PTGER4: variants seen among roughly 807,000 people sequenced by gnomAD.
The protein encoded by PTGER4 is prostaglandin E2 receptor EP4 subtype.
PTGER4 carries 11 observed loss-of-function variants against 33.2 expected under a neutral mutation model. The ratio of observed to expected loss-of-function variants is 0.33; its 90% CI spans 0.21 to 0.55. The LOEUF (loss-of-function observed/expected upper bound fraction) is 0.55. PTGER4 is among the 20% of genes least tolerant of loss of function. PTGER4 has a pLI of 0.92. For synonymous variants in PTGER4, 275 were observed against 281.5 expected, an observed-to-expected ratio of 0.98 and a Z score of 0.23; for missense variants, 481 against 650.2, an observed-to-expected ratio of 0.74 and a Z score of 2.83.
At chr5:40,737,858 C>CT in the PTGER4 span, among the ~76,000 whole-genome samples, 1 of 152,214 alleles carries the variant, frequency 6.6e-6, no homozygotes. Context: ...TTCCTGACTT[C>CT]TTTCCCTTAG....
At chr5:40,696,670 C>T, downstream of PTGER4, 5 of 985,026 alleles carry the variant, frequency 5.1e-6, no homozygotes, top group Non-Finnish European at 6.0e-6. Context: ...CCCCATTTCC[C>T]ACCATGGAAG....
chr5:40,710,486 T>C, the PTGER4 span, among the ~76,000 whole-genome samples: 2 of 152,090 alleles, frequency 1.3e-5, no homozygotes, highest in African/African-American at 2.4e-5. Context: ...GTGGGACTGT[T>C]AACTAGTTCA....
At chr5:40,702,255 A>G in the PTGER4 span, among the ~76,000 whole-genome samples, 1 of 152,218 alleles carries the variant, frequency 6.6e-6, no homozygotes, top group Non-Finnish European at 1.5e-5. Context: ...AGCAAGACCC[A>G]ATGGTATGCT....
At chr5:40,734,937 T>C in the PTGER4 span, among the ~76,000 whole-genome samples, 8 of 152,214 alleles carry the variant, frequency 5.3e-5, no homozygotes, top group African/African-American at 1.9e-4. Flanking sequence ...CTATTCGGAA[T>C]GGGCGGTCAA....
chr5:40,697,552 T>C (rs1741640958), downstream of PTGER4, among the ~76,000 whole-genome samples: 2 of 138,052 alleles, frequency 1.4e-5, no homozygotes, highest in South Asian at 2.2e-4. Context: ...GCCATTGCAC[T>C]CTAGCCTGGG....
At chr5:40,703,224 A>C in the PTGER4 span, among the ~76,000 whole-genome samples, 13 of 16,626 alleles carry the variant, frequency 7.8e-4, no homozygotes, top group African/African-American at 2.6e-3. Flanking sequence ...GTTTTTTGCA[A>C]AAAAAAAAAA....
the PTGER4 span, among the ~76,000 whole-genome samples, chr5:40,742,567 T>A: frequency 1.3e-5 from 2 of 152,186 alleles, no homozygotes; most frequent in African/African-American, 4.8e-5. Flanking sequence ...AATCACTGTA[T>A]TGTAAAATCT....
At position 40,692,483 on chromosome 5, in the gene PTGER4, C is replaced by T; in HGVS notation, c.*105C>T. ...CTGTGCTCAGAAGGGCTATCATCAT[C>T]CTACAACTCACATTAGAGAACATCC... On this transcript the variant is annotated 3_prime_UTR_variant, in exon 3 of 3. Coordinates refer to ENST00000302472, the MANE Select transcript of PTGER4 (RefSeq NM_000958.3). 1 of 1,492,786 alleles carries T rather than the reference C, an allele frequency of 6.7e-7. No homozygotes were observed. Among genetic ancestry groups the T allele is most frequent in the Non-Finnish European group, 8.9e-7 (1 of 1,129,196 alleles). The allele number at this position is 1,492,786 out of a possible 1,614,324, so 92.5% of individuals were successfully genotyped here.
the PTGER4 span, among the ~76,000 whole-genome samples, chr5:40,707,553 G>A: frequency 6.6e-6 from 1 of 152,100 alleles, no homozygotes; most frequent in East Asian, 1.9e-4. Context: ...GACCTACAAA[G>A]AGACTTAGAC....
chr5:40,692,530 A>G lies in PTGER4; in HGVS notation c.*152A>G. ...ATCCTGGCTTTTGAGCACTTTTCAA[A>G]CAATCAAGTTGACTCACGTGGGTCC... On this transcript the variant is annotated 3_prime_UTR_variant, in exon 3 of 3. Coordinates refer to ENST00000302472, the MANE Select transcript of PTGER4 (RefSeq NM_000958.3). 1.3e-5 allele frequency: 19 copies of G among 1,443,930 alleles called. No homozygotes were observed. The highest frequency in any genetic ancestry group is 1.7e-5 in the Non-Finnish European group (19 of 1,104,866). The allele number at this position is 1,443,930 out of a possible 1,614,324, so 89.4% of individuals were successfully genotyped here.
the PTGER4 span, among the ~76,000 whole-genome samples, chr5:40,722,254 T>TGCAACCTCCACCTCCCA: frequency 6.6e-6 from 1 of 151,214 alleles, no homozygotes. Context: ...CTCGGCTCGC[T>TGCAACCTCCACCTCCCA]GCAACCTCCA....
At chr5:40,737,531 A>G in the PTGER4 span, among the ~76,000 whole-genome samples, 4 of 152,238 alleles carry the variant, frequency 2.6e-5, no homozygotes, top group African/African-American at 9.6e-5. Flanking sequence ...ACGAATATAG[A>G]ATTATTTTAC....
At position 40,692,026 on chromosome 5, in the gene PTGER4, C is replaced by T; in HGVS notation, c.1115C>T (p.Ala372Val). Residue 372 changes from alanine to valine, a missense_variant, in exon 3 of 3, where the codon GCC becomes GTC. Physicochemically the swap from Ala to Val is moderately conservative, Grantham distance 64. This residue lies in a region of PTGER4 where 172 missense variants were observed against 199.2 expected (regional missense o/e 0.86). Coordinates refer to ENST00000302472, the MANE Select transcript of PTGER4 (RefSeq NM_000958.3). ...TCAGACAGTCAAAGGACATCTTCTG[C>T]CATGTCAGGCCACTCTCGCTCCTTC... ...HCSDSQRTSS[A>V]MSGHSRSFIS... 1.2e-6 allele frequency: 2 copies of T among 1,614,202 alleles called. No homozygotes were observed. The highest frequency in any genetic ancestry group is 1.7e-6 in the Non-Finnish European group (2 of 1,180,038).
the PTGER4 span, among the ~76,000 whole-genome samples, chr5:40,713,223 T>C: frequency 6.6e-6 from 1 of 152,108 alleles, no homozygotes; most frequent in South Asian, 2.1e-4. Flanking sequence ...TAGCTCAGAA[T>C]TGCTGGTCCA....
rs576902061 is a variant in PTGER4, at chr5:40,691,166, G to A, written c.868-613G>A. ...CTCCTGAGTAGCTGGGATTATAGGCGTGTGCCGCCACACCTGGCTAATTTT... is the reference window on the plus strand; with the variant it reads ...CTCCTGAGTAGCTGGGATTATAGGCATGTGCCGCCACACCTGGCTAATTTT... On this transcript the variant is annotated intron_variant, in intron 2 of 2. Transcript: ENST00000302472. The surrounding 1 kb of genome is among the most constrained non-coding windows in gnomAD (Gnocchi z 4.2). Among the ~76,000 whole-genome samples the A allele has an allele frequency of 8.5e-4, 130 of 152,200 alleles. 1 individual carries two copies. Among genetic ancestry groups the A allele is most frequent in the Non-Finnish European group, 5.0e-4 (34 of 67,984 alleles).
the PTGER4 span, among the ~76,000 whole-genome samples, chr5:40,738,383 C>A: frequency 6.6e-6 from 1 of 150,666 alleles, no homozygotes; most frequent in Non-Finnish European, 1.5e-5. Context: ...CCACTGCAGT[C>A]CAGCCTGGGC....
intron 2 of PTGER4, among the ~76,000 whole-genome samples, chr5:40,686,712 C>A (rs1741331312): frequency 6.6e-6 from 1 of 151,980 alleles, no homozygotes; most frequent in Non-Finnish European, 1.5e-5. Flanking sequence ...CTCTAATCAT[C>A]CTAAAAAAAA....
At chr5:40,684,135 C>CCA (rs563327895) in intron 2 of PTGER4, among the ~76,000 whole-genome samples, 5 of 120,936 alleles carry the variant, frequency 4.1e-5, no homozygotes, top group African/African-American at 1.6e-4. Context: ...CCCCCCCCCC[C>CCA]ACAATTCAGC....
the PTGER4 span, among the ~76,000 whole-genome samples, chr5:40,717,789 C>A: frequency 4.8e-3 from 731 of 152,334 alleles, 5 homozygotes; most frequent in African/African-American, 0.017. Context: ...ATCGGCCAGG[C>A]ACCATGGCTC....
Sources: allele counts gnomAD v4.1 joint callset (sites outside exome capture counted in the v4.1 genomes callset), GRCh38; gene constraint gnomAD v4.1.1; regional missense constraint gnomAD v4.1.1; non-coding constraint Gnocchi (gnomAD v3.1); transcripts MANE v1.5; gene names NCBI Gene and HGNC (gene_info 2026-07-23, HGNC 2026-07-21).